NARS2: variants seen among roughly 807,000 people sequenced by gnomAD.
The protein encoded by NARS2 is asparaginyl-tRNA synthetase.
Under a neutral mutation model 62.9 loss-of-function variants are expected in NARS2, and 60 were observed. The ratio of observed to expected loss-of-function variants is 0.95; its 90% CI spans 0.77 to 1.18. NARS2 has a LOEUF of 1.18. Ranked by LOEUF, NARS2 falls within the 50% of genes most tolerant of loss-of-function variation. NARS2 has a pLI of 0.00. For missense variants in NARS2, 619 were observed against 576.4 expected (o/e 1.07, Z -0.76); for synonymous variants, 196 against 200.0 (o/e 0.98, Z 0.17).
intron 6 of NARS2, among the ~76,000 whole-genome samples, chr11:78,513,991 T>C (rs112837299): frequency 1.2e-4 from 18 of 152,264 alleles, no homozygotes; most frequent in African/African-American, 3.1e-4. Context: ...GTGAGACGCA[T>C]ACTCCTTTGC....
chr11:78,527,893 T>C (rs558166764), intron 6 of NARS2, among the ~76,000 whole-genome samples: 1 of 152,236 alleles, frequency 6.6e-6, no homozygotes, highest in South Asian at 2.1e-4. Flanking sequence ...AAGAACCACT[T>C]GAGTCAAGAG....
intron 4 of NARS2, among the ~76,000 whole-genome samples, chr11:78,565,660 G>T (rs1198074776): frequency 6.6e-6 from 1 of 152,168 alleles, no homozygotes; most frequent in East Asian, 1.9e-4. Context: ...TTTGTGTGAG[G>T]AAACTATCCA....
intron 6 of NARS2, among the ~76,000 whole-genome samples, chr11:78,519,480 T>C (rs1038745975): frequency 2.6e-5 from 4 of 152,190 alleles, no homozygotes; most frequent in Non-Finnish European, 5.9e-5. Flanking sequence ...AAGTTGAATA[T>C]TGTTATATAT....
At chr11:78,460,449 T>C (rs878949851) in intron 11 of NARS2, among the ~76,000 whole-genome samples, 1 of 152,060 alleles carries the variant, frequency 6.6e-6, no homozygotes, top group Admixed American at 6.6e-5. Context: ...ATGGGAGAAC[T>C]GATTCAGAAG....
At chr11:78,513,848 G>A (rs1008676465) in intron 6 of NARS2, among the ~76,000 whole-genome samples, 3 of 152,046 alleles carry the variant, frequency 2.0e-5, no homozygotes, top group Non-Finnish European at 4.4e-5. Flanking sequence ...CCTTGTGGGT[G>A]GTTTCTGGAT....
At chr11:78,467,555 A>T (rs1201392210) in intron 10 of NARS2, among the ~76,000 whole-genome samples, 83 of 151,392 alleles carry the variant, frequency 5.5e-4, no homozygotes, top group Non-Finnish European at 6.5e-4. Context: ...ATAAATAAAT[A>T]AATAAATAAA....
chr11:78,566,160 G>C lies in NARS2; in HGVS notation c.485C>G (p.Ala162Gly). ...AAAGAAAGAATGAATAGCAGCTGTC[G>C]CTTCACTGCGAATCCTCAATATAGA... Reference protein sequence around the residue: ...LGSILRIRSEATAAIHSFFKD... With the variant: ...LGSILRIRSEGTAAIHSFFKD... The change falls in exon 4 of 14, where the codon GCG becomes GGG. Residue 162 changes from alanine to glycine, a missense_variant. Transcript: ENST00000281038. 1 of 1,610,212 alleles carries C rather than the reference G, an allele frequency of 6.2e-7. No individual in the cohort carries two copies. Among genetic ancestry groups the C allele is most frequent in the South Asian group, 1.1e-5 (1 of 90,302 alleles).
intron 11 of NARS2, among the ~76,000 whole-genome samples, chr11:78,465,083 G>A (rs1858561924): frequency 6.6e-6 from 1 of 152,242 alleles, no homozygotes; most frequent in South Asian, 2.1e-4. Flanking sequence ...GGAGGCTCAG[G>A]CATGGGGGGC....
chr11:78,501,946 T>A (rs1030072345), intron 6 of NARS2, among the ~76,000 whole-genome samples: 1 of 152,142 alleles, frequency 6.6e-6, no homozygotes, highest in Non-Finnish European at 1.5e-5. Flanking sequence ...TATTCATCAA[T>A]GAATGAATAA....
chr11:78,538,213 T>C (rs1412864537), intron 5 of NARS2, among the ~76,000 whole-genome samples: 2 of 152,268 alleles, frequency 1.3e-5, no homozygotes, highest in Non-Finnish European at 2.9e-5. Context: ...CACAGCACAA[T>C]ACATTCACCT....
At chr11:78,550,893 A>T (rs1204297648) in intron 5 of NARS2, among the ~76,000 whole-genome samples, 5 of 152,250 alleles carry the variant, frequency 3.3e-5, no homozygotes. Context: ...CATCCACAAA[A>T]GGGACCAGCT....
intron 6 of NARS2, among the ~76,000 whole-genome samples, chr11:78,522,337 C>T (rs1233969276): frequency 2.0e-5 from 3 of 152,004 alleles, no homozygotes; most frequent in Admixed American, 6.5e-5. Flanking sequence ...GATAATGATA[C>T]CTATCTAAGT....
chr11:78,551,692 A>T (rs1038708281), intron 5 of NARS2, among the ~76,000 whole-genome samples: 7 of 152,160 alleles, frequency 4.6e-5, no homozygotes, highest in Non-Finnish European at 8.8e-5. Context: ...CTCTACTAAA[A>T]ATACAAAAAT....
rs751131330 is a variant in NARS2, at chr11:78,443,741, A to T, written c.1182T>A (p.Leu394=). The T allele has an allele frequency of 1.2e-6, 2 of 1,613,480 alleles. No individual in the cohort carries two copies. The highest frequency in any genetic ancestry group is 2.2e-5 in the South Asian group (2 of 91,058). Residue 394 remains leucine, a synonymous_variant, in exon 12 of 14, where the codon CTT becomes CTA. Transcript: ENST00000281038. ...AGAGTTCCCCAACTCCAGGAACCAG[A>T]AGATCAACAGCAGCAACCTAAGGAA... The part of the protein sequence containing the change: ...GPQHTVAAVD[L]LVPGVGELFG...
At chr11:78,437,885 G>A (rs1443878701) in intron 13 of NARS2, among the ~76,000 whole-genome samples, 1 of 148,930 alleles carries the variant, frequency 6.7e-6, no homozygotes, top group Non-Finnish European at 1.5e-5. Flanking sequence ...TGAGGCAGAG[G>A]AGTCGCTTGA....
intron 6 of NARS2, among the ~76,000 whole-genome samples, chr11:78,502,606 AAT>A (rs1860323235): frequency 6.6e-6 from 1 of 152,208 alleles, no homozygotes; most frequent in South Asian, 2.1e-4. Context: ...GGGTGACGGA[AAT>A]GTTCTGGAAC....
chr11:78,531,918 C>A (rs140766965), intron 5 of NARS2, among the ~76,000 whole-genome samples: 1 of 152,184 alleles, frequency 6.6e-6, no homozygotes, highest in African/African-American at 2.4e-5. Context: ...GGGTTTTCTT[C>A]TGGGGTGGTA....
At chr11:78,543,449 T>A (rs1032872158) in intron 5 of NARS2, among the ~76,000 whole-genome samples, 1 of 152,186 alleles carries the variant, frequency 6.6e-6, no homozygotes, top group African/African-American at 2.4e-5. Flanking sequence ...AAGCTGACAT[T>A]TTCTTTTCAT....
At chr11:78,468,241 G>A (rs1322184867) in intron 10 of NARS2, among the ~76,000 whole-genome samples, 3 of 134,886 alleles carry the variant, frequency 2.2e-5, no homozygotes, top group Non-Finnish European at 3.1e-5. Flanking sequence ...TTTCCAGAGT[G>A]GCTCATAAAC....
Sources: gnomAD v4.1 joint callset for allele counts (sites outside exome capture counted in the v4.1 genomes callset) on GRCh38, gnomAD v4.1.1 for gene constraint, MANE v1.5 for transcripts, NCBI Gene and HGNC (gene_info 2026-07-23, HGNC 2026-07-21) for gene names.